ZC3H12B: variants seen among roughly 807,000 people sequenced by gnomAD.
ZC3H12B encodes probable ribonuclease ZC3H12B.
Under a neutral mutation model 43.9 loss-of-function variants are expected in ZC3H12B, and 7 were observed. The ratio of observed to expected loss-of-function variants is 0.16; its 90% CI spans 0.09 to 0.30. ZC3H12B has a LOEUF of 0.30. ZC3H12B is among the 10% of genes least tolerant of loss of function. The pLI, the probability that ZC3H12B is intolerant of heterozygous loss-of-function variation, is 1.00. For missense variants in ZC3H12B, 475 were observed against 670.2 expected, an observed-to-expected ratio of 0.71 and a Z score of 3.22; for synonymous variants, 222 against 241.7, an observed-to-expected ratio of 0.92 and a Z score of 0.76.
chrX:65,402,219 A>G (rs774766538), intron 3 of ZC3H12B, among the ~76,000 whole-genome samples: 3 of 112,063 alleles, frequency 2.7e-5, no homozygotes, highest in African/African-American at 9.7e-5. Flanking sequence ...TACAGAGTGA[A>G]GGTTCTCTTC....
chrX:65,452,357 C>T (rs984822245), intron 3 of ZC3H12B, among the ~76,000 whole-genome samples: 1 of 110,087 alleles, frequency 9.1e-6, no homozygotes, highest in African/African-American at 3.3e-5. Context: ...AATTAATGTA[C>T]ACATATCATT....
intron 3 of ZC3H12B, among the ~76,000 whole-genome samples, chrX:65,418,018 G>A (rs754980078): frequency 1.2e-4 from 14 of 112,196 alleles, no homozygotes; most frequent in African/African-American, 4.2e-4. Context: ...AGATGGCAGA[G>A]ACCTGAAGTC....
the ZC3H12B span, among the ~76,000 whole-genome samples, chrX:65,337,074 T>C: frequency 8.9e-6 from 1 of 111,734 alleles, no homozygotes. Flanking sequence ...ATTTTTGCCT[T>C]TTATTAAGAG....
intron 3 of ZC3H12B, among the ~76,000 whole-genome samples, chrX:65,447,255 T>C (rs958401533): frequency 5.4e-5 from 6 of 112,028 alleles, no homozygotes; most frequent in Non-Finnish European, 1.1e-4. Flanking sequence ...TAATGTCAAA[T>C]GACCTGTCTT....
exon 5 of ZC3H12B, chrX:65,503,305 T>C: frequency 1.3e-6 from 1 of 796,433 alleles, no homozygotes; most frequent in Non-Finnish European, 1.7e-6. Flanking sequence ...TGTGTTGCGC[T>C]TTACAAGTTA....
the ZC3H12B span, among the ~76,000 whole-genome samples, chrX:65,195,799 G>T: frequency 8.0e-5 from 9 of 112,038 alleles, no homozygotes; most frequent in African/African-American, 2.9e-4. Flanking sequence ...TAACACCTTT[G>T]TCCTACTGAG....
the ZC3H12B span, among the ~76,000 whole-genome samples, chrX:65,086,090 G>T: frequency 1.0e-5 from 1 of 99,998 alleles, no homozygotes; most frequent in African/African-American, 3.8e-5. Context: ...AAAATCATGT[G>T]TTACATTTAT....
chrX:65,245,250 A>G, the ZC3H12B span, among the ~76,000 whole-genome samples: 14 of 111,626 alleles, frequency 1.3e-4, no homozygotes, highest in African/African-American at 4.2e-4. Context: ...GGCAGTAAAA[A>G]ATAGCCTACC....
chrX:65,440,804 C>T (rs1347656157), intron 3 of ZC3H12B, among the ~76,000 whole-genome samples: 12 of 111,902 alleles, frequency 1.1e-4, no homozygotes, highest in Admixed American at 2.8e-4. Flanking sequence ...TTCTTAATTA[C>T]GAAAACTGGA....
the ZC3H12B span, among the ~76,000 whole-genome samples, chrX:65,178,882 C>G: frequency 8.9e-6 from 1 of 111,980 alleles, no homozygotes; most frequent in East Asian, 2.8e-4. Context: ...ACCAGAAGTA[C>G]CTTTGACCAG....
At chrX:65,201,703 AGTTT>A in the ZC3H12B span, among the ~76,000 whole-genome samples, 7 of 90,266 alleles carry the variant, frequency 7.8e-5, no homozygotes, top group Non-Finnish European at 1.1e-4. Flanking sequence ...CTGGTGCCTT[AGTTT>A]GTTTGTTAAG....
the ZC3H12B span, among the ~76,000 whole-genome samples, chrX:65,152,815 C>T: frequency 1.8e-5 from 2 of 111,769 alleles, no homozygotes; most frequent in Non-Finnish European, 3.8e-5. Context: ...AGACATCACG[C>T]TACCTGACTT....
chrX:65,333,336 G>A, the ZC3H12B span, among the ~76,000 whole-genome samples: 1 of 111,778 alleles, frequency 8.9e-6, no homozygotes, highest in Non-Finnish European at 1.9e-5. Flanking sequence ...GATTCTTATT[G>A]TACTTATGCA....
At chrX:65,382,137 G>T (rs972801741) in intron 2 of ZC3H12B, among the ~76,000 whole-genome samples, 9 of 111,459 alleles carry the variant, frequency 8.1e-5, no homozygotes, top group Non-Finnish European at 1.7e-4. Context: ...AAGCCGGGCA[G>T]AGACACAACC....
the ZC3H12B span, among the ~76,000 whole-genome samples, chrX:65,059,254 T>C: frequency 4.2e-5 from 4 of 95,227 alleles, no homozygotes; most frequent in Non-Finnish European, 8.2e-5. Context: ...ATTTTTGCTT[T>C]GGCTGCCTGC....
At chrX:65,222,718 T>G in the ZC3H12B span, among the ~76,000 whole-genome samples, 1 of 109,082 alleles carries the variant, frequency 9.2e-6, no homozygotes, top group African/African-American at 3.3e-5. Flanking sequence ...AAAAACACTA[T>G]TGAAAGAAAT....
the ZC3H12B span, among the ~76,000 whole-genome samples, chrX:65,253,159 C>T: frequency 8.9e-6 from 1 of 111,762 alleles, no homozygotes; most frequent in Admixed American, 9.5e-5. Flanking sequence ...ATCGGGAAGG[C>T]TCGTGAACTC....
chrX:65,146,522 G>A, the ZC3H12B span, among the ~76,000 whole-genome samples: 1 of 111,302 alleles, frequency 9.0e-6, no homozygotes, highest in Non-Finnish European at 1.9e-5. Flanking sequence ...TTTTTGGGGG[G>A]TGTTAAAGAA....
At chrX:65,489,334 T>C (rs779488765) in exon 1 of ZC3H12B, 1 of 1,210,538 alleles carries the variant, frequency 8.3e-7, no homozygotes, top group East Asian at 3.0e-5. Context: ...AGCCCTGAAT[T>C]GTCTCTTGAA....
Sources: allele counts gnomAD v4.1 joint callset (sites outside exome capture counted in the v4.1 genomes callset), GRCh38; gene constraint gnomAD v4.1.1; transcripts MANE v1.5; gene names NCBI Gene and HGNC (gene_info 2026-07-23, HGNC 2026-07-21).